EIF5B: variants seen among roughly 807,000 people sequenced by gnomAD.
EIF5B encodes eukaryotic translation initiation factor 5B.
Under a neutral mutation model 147.5 loss-of-function variants are expected in EIF5B, and 47 were observed. The ratio of observed to expected loss-of-function variants is 0.32; its 90% confidence interval spans 0.25 to 0.41. The LOEUF (loss-of-function observed/expected upper bound fraction) is 0.41, where lower values mean the gene tolerates loss of function less well. Among genes scored for constraint, EIF5B ranks in the 10% least tolerant of loss-of-function variants. The pLI, the probability that EIF5B is intolerant of heterozygous loss-of-function variation, is 1.00. For missense variants in EIF5B, 1,064 were observed against 1,413.2 expected (o/e 0.75, Z 3.96); for synonymous variants, 455 against 456.2 (o/e 1.00, Z 0.03).
At chr2:99,352,345 G>A (rs1426970143) in intron 1 of EIF5B, among the ~76,000 whole-genome samples, 1 of 151,842 alleles carries the variant, frequency 6.6e-6, no homozygotes, top group Non-Finnish European at 1.5e-5. Context: ...ACAGGCATGC[G>A]CCACCATGCC....
intron 1 of EIF5B, among the ~76,000 whole-genome samples, chr2:99,355,974 TAC>T (rs1674089477): frequency 6.6e-6 from 1 of 152,188 alleles, no homozygotes; most frequent in East Asian, 1.9e-4. Flanking sequence ...GTGAAGATAA[TAC>T]AGAGTCTCCA....
intron 23 of EIF5B, 88 bp downstream of exon 23, chr2:99,398,997 G>T: frequency 6.9e-7 from 1 of 1,447,278 alleles, no homozygotes; most frequent in Non-Finnish European, 9.3e-7. Context: ...TTGGGCTTCA[G>T]TTTGATTGTA....
At chr2:99,364,759 A>G (rs62155770) in intron 6 of EIF5B, among the ~76,000 whole-genome samples, 4,975 of 152,310 alleles carry the variant, frequency 0.033, 100 homozygotes, top group Middle Eastern at 0.058. Context: ...GTACCTCTCC[A>G]TCTACTTTTT....
chr2:99,339,681 A>C (rs2094255341), intron 1 of EIF5B, among the ~76,000 whole-genome samples: 1 of 151,966 alleles, frequency 6.6e-6, no homozygotes, highest in Admixed American at 6.6e-5. Flanking sequence ...ATGTTTCCCT[A>C]CTTACACTTT....
chr2:99,350,884 G>A (rs1337147156), intron 1 of EIF5B, among the ~76,000 whole-genome samples: 1 of 152,106 alleles, frequency 6.6e-6, no homozygotes, highest in Non-Finnish European at 1.5e-5. Context: ...TTTGTTAAGT[G>A]GTGAGATGAG....
intron 1 of EIF5B, among the ~76,000 whole-genome samples, chr2:99,355,733 C>A (rs1461259080): frequency 6.6e-6 from 1 of 150,382 alleles, no homozygotes. Flanking sequence ...CTGCCCCAGT[C>A]TCCCGAGTAG....
At chr2:99,372,987 C>G (rs1253905264) in intron 9 of EIF5B, among the ~76,000 whole-genome samples, 1 of 151,870 alleles carries the variant, frequency 6.6e-6, no homozygotes, top group Non-Finnish European at 1.5e-5. Context: ...TGTAGATTGT[C>G]TATTTCTCCT....
chr2:99,400,512 T>TAAC lies in EIF5B; in HGVS notation c.*1100_*1102dup, dbSNP rs979211323. On this transcript the variant is annotated 3_prime_UTR_variant, in exon 24 of 24. Transcript: ENST00000289371. The stretch of plus-strand genomic sequence containing the variant: ...CTATTTTTATTTTAAAGTTATGGCA[T>TAAC]AACATATAACATAAAAATATTTTAT... 6.6e-6 allele frequency: 1 copy of TAAC among 152,226 alleles called. No homozygotes were observed. Among genetic ancestry groups the TAAC allele is most frequent in the African/African-American group, 2.4e-5 (1 of 41,470 alleles). 9.4% of individuals were successfully genotyped at this position (152,226 alleles called of 1,614,324 possible).
In EIF5B at chr2:99,396,937, A is replaced by T. The variant is rs752288184; in HGVS notation, c.3393+39A>T. On this transcript the variant is annotated intron_variant, in intron 22 of 23. Coordinates refer to ENST00000289371, the MANE Select transcript of EIF5B (RefSeq NM_015904.4). ...GTACATTCTGTGGGTCATTTCTTAA[A>T]GCACTAAATGAGTGTCCAAGAGTCG... 1.5e-5 allele frequency: 24 copies of T among 1,576,978 alleles called. No homozygotes were observed. In the African/African-American group the frequency reaches 3.3e-4, roughly 22 times the overall value.
chr2:99,400,467 C>T lies in EIF5B; in HGVS notation c.*1053C>T, dbSNP rs1407621467. 1.3e-5 allele frequency: 2 copies of T among 152,098 alleles called. No homozygotes were observed. Among genetic ancestry groups the T allele is most frequent in the Non-Finnish European group, 2.9e-5 (2 of 68,008 alleles). The allele number at this position is 152,098 out of a possible 1,614,324, so 9.4% of individuals were successfully genotyped here. On this transcript the variant is annotated 3_prime_UTR_variant, in exon 24 of 24. Coordinates refer to ENST00000289371, the MANE Select transcript of EIF5B (RefSeq NM_015904.4). Reference sequence around the variant, plus strand: ...GTTTGAGGAAAAAGTTCCAAATATCCACTAGCATAGAATTTTAAACTATTT... The same window carrying T: ...GTTTGAGGAAAAAGTTCCAAATATCTACTAGCATAGAATTTTAAACTATTT...
rs974019889 is a variant in EIF5B at position 99,394,857 on chromosome 2, C to T, written c.3228C>T (p.Tyr1076=). 3.8e-6 allele frequency: 6 copies of T among 1,586,452 alleles called. No homozygotes were observed. Among genetic ancestry groups the T allele is most frequent in the Non-Finnish European group, 5.1e-6 (6 of 1,166,368 alleles). ...CCTTTACAAAATATAGACAAGACTA[C>T]AAGAAACAGAAACAAGAAGAATTTA... ...FDAFTKYRQD[Y]KKQKQEEFKH... Residue 1076 remains tyrosine, a synonymous_variant, in exon 21 of 24, where the codon TAC becomes TAT. Transcript: ENST00000289371.
intron 1 of EIF5B, among the ~76,000 whole-genome samples, chr2:99,344,007 C>CT (rs2094266945): frequency 6.6e-6 from 1 of 151,522 alleles, no homozygotes; most frequent in South Asian, 2.1e-4. Context: ...CAAGCTCCGC[C>CT]TCCCGGGTTC....
chr2:99,364,129 T>A, intron 5 of EIF5B, 142 bp from the exon 6 acceptor site: 1 of 1,234,586 alleles, frequency 8.1e-7, no homozygotes, highest in Non-Finnish European at 1.1e-6. Flanking sequence ...GTATAACATT[T>A]AAAATACTTT....
chr2:99,368,239 G>A (rs921554731), intron 6 of EIF5B, among the ~76,000 whole-genome samples: 5 of 152,222 alleles, frequency 3.3e-5, no homozygotes, highest in African/African-American at 1.2e-4. Context: ...ATGATGGAGT[G>A]ATGGAGCTTT....
Position 99,396,771 on chromosome 2 carries a change from T to TC in EIF5B, c.3266_3267insC (p.Phe1090IlefsTer14), listed in dbSNP as rs1351247545. 1 of 1,610,186 alleles carries TC rather than the reference T, an allele frequency of 6.2e-7. No homozygotes were observed. On this transcript the variant is annotated frameshift_variant, in exon 22 of 24. Transcript: ENST00000289371. LOFTEE classifies it high-confidence loss of function. ...TTTTTTCCTTTCAGGCACATAGCAGTATTTCCCTGCAAGATAAAAATCCTC... is the reference window on the plus strand; with the variant it reads ...TTTTTTCCTTTCAGGCACATAGCAGTCATTTCCCTGCAAGATAAAAATCCTC...
At chr2:99,374,176 C>G (rs2104210926) in intron 9 of EIF5B, among the ~76,000 whole-genome samples, 1 of 151,360 alleles carries the variant, frequency 6.6e-6, no homozygotes, top group African/African-American at 2.4e-5. Flanking sequence ...GTAATCCTAG[C>G]TACTCAGGTG....
rs1300163917 is a variant in EIF5B, at chr2:99,376,417, A to T, written c.1623A>T (p.Glu541Asp). ...AGGAGGAGGAGGAGGAAGAAGAGGAAGAAGAAGATGAAGAAAGTGAAGAAG... is the reference window on the plus strand; with the variant it reads ...AGGAGGAGGAGGAGGAAGAAGAGGATGAAGAAGATGAAGAAAGTGAAGAAG... ...PEEEEEEEEE[E>D]EEDEESEEEE... The change falls in exon 10 of 24, where the codon GAA (glutamate) becomes GAT (aspartate). Residue 541 changes from glutamate to aspartate, a missense_variant. Transcript: ENST00000289371. 1.9e-6 allele frequency: 3 copies of T among 1,567,938 alleles called. No individual in the cohort carries two copies. The highest frequency in any genetic ancestry group is 2.6e-6 in the Non-Finnish European group (3 of 1,141,744).
chr2:99,355,055 G>T (rs1340635554), intron 1 of EIF5B, among the ~76,000 whole-genome samples: 1 of 151,876 alleles, frequency 6.6e-6, no homozygotes, highest in African/African-American at 2.4e-5. Context: ...CACCTGCCTC[G>T]GCCTCCCAAA....
At chr2:99,366,827 A>G (rs1357921629) in intron 6 of EIF5B, among the ~76,000 whole-genome samples, 1 of 152,226 alleles carries the variant, frequency 6.6e-6, no homozygotes, top group Non-Finnish European at 1.5e-5. Flanking sequence ...TGATTTCAAG[A>G]CTTAGTATAA....
Sources: allele counts gnomAD v4.1 joint callset (sites outside exome capture counted in the v4.1 genomes callset), GRCh38; gene constraint gnomAD v4.1.1; transcripts MANE v1.5; gene names NCBI Gene and HGNC (gene_info 2026-07-23, HGNC 2026-07-21).